DCAF15: variants seen among roughly 807,000 people sequenced by gnomAD.
DCAF15 encodes DDB1 and CUL4 associated factor 15.
Under a neutral mutation model 68.0 loss-of-function variants are expected in DCAF15, and 24 were observed. The observed-to-expected ratio is 0.35, with a 90% CI of 0.26 to 0.50. The LOEUF (loss-of-function observed/expected upper bound fraction) is 0.50. Among genes scored for constraint, DCAF15 ranks in the 20% least tolerant of loss-of-function variants. The pLI is 0.98. For synonymous variants in DCAF15, 376 were observed against 341.6 expected, an observed-to-expected ratio of 1.10 and a Z score of -1.11; for missense variants, 627 against 830.6, an observed-to-expected ratio of 0.75 and a Z score of 3.01.
rs865941640 is a variant in DCAF15 at position 13,954,393 on chromosome 19, C to T, written c.186C>T (p.Cys62=). The T allele has an allele frequency of 2.4e-5, 39 of 1,607,910 alleles. 1 individual carries two copies. In the Middle Eastern group the frequency reaches 3.0e-3, roughly 123 times the overall value. ...RLFRKLPPRV[C]VSLKNIVDED... is the part of the protein sequence containing the mutation. ...TCCGGAAGCTGCCTCCCCGGGTGTG[C>T]GTGTCCCTCAAGAACATTGTGGATG... The change falls in exon 2 of 13, where the codon TGC becomes TGT. Residue 62 remains cysteine, a synonymous_variant. Transcript: ENST00000254337.
At chr19:13,957,559 C>T (rs143842553) in intron 6 of DCAF15, among the ~76,000 whole-genome samples, 9 of 152,284 alleles carry the variant, frequency 5.9e-5, no homozygotes, top group African/African-American at 1.9e-4. Context: ...CAGATGCGTG[C>T]ACATGTGGGT....
rs1973524399 is a variant in DCAF15, at chr19:13,959,755, A to C, written c.1312-12A>C. ...TTGGCACCGTCCCCTGCGCCTACCC[A>C]CTCACCCGCAGGGCCAGTACCTGAC... On this transcript the variant is annotated splice_polypyrimidine_tract_variant and intron_variant, in intron 8 of 12. Coordinates refer to ENST00000254337, the MANE Select transcript of DCAF15 (RefSeq NM_138353.4). The C allele has an allele frequency of 1.2e-6, 2 of 1,613,312 alleles. No individual in the cohort carries two copies. Among genetic ancestry groups the C allele is most frequent in the East Asian group, 4.5e-5 (2 of 44,854 alleles).
Position 13,954,462 on chromosome 19 carries a change from G to T in DCAF15, c.230+25G>T, listed in dbSNP as rs575150646. 3 of 1,614,034 alleles carry T rather than the reference G, an allele frequency of 1.9e-6. No homozygotes were observed. In the South Asian group the frequency reaches 3.3e-5, roughly 18 times the overall value. The stretch of plus-strand genomic sequence containing the variant: ...GGTGAGGCTGGGCCCAGGCAAAGGG[G>T]GCAGGTGGGCGGGAGTGGTGGGCTC... On this transcript the variant is annotated intron_variant, in intron 2 of 12. Coordinates refer to ENST00000254337, the MANE Select transcript of DCAF15 (RefSeq NM_138353.4).
In DCAF15 at chr19:13,952,659, C is replaced by A; in HGVS notation, c.132+15C>A. ...AGCGGGTCAAGGTGAGGCCTGGAGC[C>A]GGAGTGGGGAGCGCGCCGGAGGGTG... On this transcript the variant is annotated intron_variant, in intron 1 of 12. Coordinates refer to ENST00000254337, the MANE Select transcript of DCAF15 (RefSeq NM_138353.4). 1 of 1,054,410 alleles carries A rather than the reference C, an allele frequency of 9.5e-7. No individual in the cohort carries two copies. Among genetic ancestry groups the A allele is most frequent in the Non-Finnish European group, 1.1e-6 (1 of 872,140 alleles). 65.3% of individuals were successfully genotyped at this position (1,054,410 alleles called of 1,614,324 possible).
chr19:13,960,717 A>T, intron 12 of DCAF15, 137 bp downstream of exon 12: 1 of 1,028,530 alleles, frequency 9.7e-7, no homozygotes, highest in Non-Finnish European at 1.4e-6. Context: ...CCAGCTCAGC[A>T]GCCCTGAAAG....
rs968820346 is a variant in DCAF15 at position 13,952,644 on chromosome 19, G to A, written c.132G>A (p.Lys44=). 46 of 1,288,514 alleles carry A rather than the reference G, an allele frequency of 3.6e-5. No individual in the cohort carries two copies. Among genetic ancestry groups the A allele is most frequent in the Non-Finnish European group, 4.2e-5 (43 of 1,015,870 alleles). 79.8% of individuals were successfully genotyped at this position (1,288,514 alleles called of 1,614,324 possible). Residue 44 remains lysine, a splice_region_variant and synonymous_variant, in exon 1 of 13, where the codon AAG becomes AAA. Coordinates refer to ENST00000254337, the MANE Select transcript of DCAF15 (RefSeq NM_138353.4). The part of the protein sequence containing the change: ...EHVLKQLERV[K]ISGQLSPRLF... Reference sequence around the variant, plus strand: ...TCCTCAAGCAGCTGGAGCGGGTCAAGGTGAGGCCTGGAGCCGGAGTGGGGA... The same window carrying A: ...TCCTCAAGCAGCTGGAGCGGGTCAAAGTGAGGCCTGGAGCCGGAGTGGGGA...
In DCAF15 at chr19:13,954,532, C is replaced by T. The variant is rs762131665; in HGVS notation, c.237C>T (p.Ile79=). The stretch of plus-strand genomic sequence containing the variant: ...GCCCCCTCCACCCCCACAGACATAT[C>T]TTCCTGGGCTTTTCCAAATGCGGCC... ...VDEDFLYAGH[I]FLGFSKCGRY... Residue 79 remains isoleucine, a synonymous_variant, in exon 3 of 13, where the codon ATC becomes ATT. Coordinates refer to ENST00000254337, the MANE Select transcript of DCAF15 (RefSeq NM_138353.4). 2.5e-6 allele frequency: 4 copies of T among 1,614,212 alleles called. No individual in the cohort carries two copies. The highest frequency in any genetic ancestry group is 1.6e-4 in the Middle Eastern group (1 of 6,062).
chr19:13,960,889 C>T, intron 12 of DCAF15, 51 bp from the exon 13 acceptor site: 3 of 1,611,522 alleles, frequency 1.9e-6, no homozygotes, highest in Non-Finnish European at 2.5e-6. Flanking sequence ...GGTGTGGCCG[C>T]AGGGCCAGGC....
Position 13,959,981 on chromosome 19 carries a change from C to CA in DCAF15, c.1441-2dup, listed in dbSNP as rs1568451117. ...AGTTGGCATCATCCACCCCCACCCC[C>CA]AGGTCTGCCCAGAAACCAACCAGGT... On this transcript the variant is annotated splice_polypyrimidine_tract_variant and splice_region_variant and intron_variant, in intron 9 of 12. Coordinates refer to ENST00000254337, the MANE Select transcript of DCAF15 (RefSeq NM_138353.4). 6.2e-7 allele frequency: 1 copy of CA among 1,610,134 alleles called. No homozygotes were observed. Among genetic ancestry groups the CA allele is most frequent in the Admixed American group, 1.7e-5 (1 of 59,878 alleles).
intron 1 of DCAF15, 146 bp downstream of exon 1, chr19:13,952,790 CG>C (rs1250315026): frequency 6.8e-6 from 4 of 584,004 alleles, no homozygotes; most frequent in Non-Finnish European, 8.5e-6. Flanking sequence ...GGGCGGGGCC[CG>C]GGGGAGATGG....
chr19:13,954,339 G>T lies in DCAF15; in HGVS notation c.133-1G>T. 6.2e-7 allele frequency: 1 copy of T among 1,612,868 alleles called. No homozygotes were observed. On this transcript the variant is annotated splice_acceptor_variant, in intron 1 of 12. Transcript: ENST00000254337. LOFTEE classifies it high-confidence loss of function. Reference sequence around the variant, plus strand: ...AAGTGCCCTGGCCACCCCTTCCCCAGATCAGCGGACAGCTCTCCCCTCGCC... The same window carrying T: ...AAGTGCCCTGGCCACCCCTTCCCCATATCAGCGGACAGCTCTCCCCTCGCC...
rs746437418 is a variant in DCAF15, at chr19:13,959,839, G to A, written c.1384G>A (p.Ala462Thr). The A allele has an allele frequency of 2.5e-6, 4 of 1,601,258 alleles. No homozygotes were observed. The highest frequency in any genetic ancestry group is 1.4e-5 in the African/African-American group (1 of 69,436). The change falls in exon 9 of 13, where the codon GCT becomes ACT. Residue 462 changes from alanine (A) to threonine (T), a missense_variant. Ala to Thr is a moderately conservative substitution (Grantham distance 58). This residue lies in a region of DCAF15 where 118 missense variants were observed against 211.8 expected (regional missense o/e 0.56). Coordinates refer to ENST00000254337, the MANE Select transcript of DCAF15 (RefSeq NM_138353.4). Reference protein sequence around the residue: ...YVINEVIRHDATWGHQFCSFS... With the variant: ...YVINEVIRHDTTWGHQFCSFS... ...TATCAATGAGGTCATCCGCCACGAC[G>A]CTACCTGGGGCCATCAGTTCTGTTC...
chr19:13,960,267 T>G lies in DCAF15; in HGVS notation c.1527-20T>G. 6.2e-7 allele frequency: 1 copy of G among 1,611,018 alleles called. No individual in the cohort carries two copies. The highest frequency in any genetic ancestry group is 8.5e-7 in the Non-Finnish European group (1 of 1,177,402). ...AGCCCGGCTGTCCCAGCGTTTGTCC[T>G]ATGTCCCTCTCCACTGTAGACCAAA... is the stretch of plus-strand genomic sequence containing the variant. On this transcript the variant is annotated intron_variant, in intron 10 of 12. Transcript: ENST00000254337.
At position 13,956,416 on chromosome 19, in the gene DCAF15, C is replaced by T; in HGVS notation, c.678C>T (p.Tyr226=). The part of the protein sequence containing the change: ...FMLHTKYQVV[Y]PFPTFQPAFQ... ...TGCACACCAAGTACCAGGTGGTCTA[C>T]CCCTTCCCCACCTTCCAGCCCGCCT... is the stretch of plus-strand genomic sequence containing the variant. The change falls in exon 6 of 13, where the codon TAC becomes TAT. Residue 226 remains tyrosine, a synonymous_variant. Coordinates refer to ENST00000254337, the MANE Select transcript of DCAF15 (RefSeq NM_138353.4). 1 of 1,613,912 alleles carries T rather than the reference C, an allele frequency of 6.2e-7. No individual in the cohort carries two copies. Among genetic ancestry groups the T allele is most frequent in the Non-Finnish European group, 8.5e-7 (1 of 1,180,016 alleles).
intron 6 of DCAF15, among the ~76,000 whole-genome samples, chr19:13,958,435 C>A (rs1973454307): frequency 6.6e-6 from 1 of 152,120 alleles, no homozygotes; most frequent in South Asian, 2.1e-4. Flanking sequence ...TGTGGCCCCT[C>A]TCTAGGGGTT....
intron 3 of DCAF15, among the ~76,000 whole-genome samples, chr19:13,955,583 C>A (rs539784394): frequency 6.6e-6 from 1 of 152,108 alleles, no homozygotes; most frequent in Admixed American, 6.5e-5. Context: ...ACTCCTGGAA[C>A]CCCCCCAGGA....
rs115123326 is a variant in DCAF15 at position 13,954,487 on chromosome 19, C to G, written c.231-39C>G. On this transcript the variant is annotated intron_variant, in intron 2 of 12. Coordinates refer to ENST00000254337, the MANE Select transcript of DCAF15 (RefSeq NM_138353.4). ...GGCAGGTGGGCGGGAGTGGTGGGCT[C>G]GCCCTGACCTGGCCGCTGTGCCCCC... 3 of 1,613,930 alleles carry G rather than the reference C, an allele frequency of 1.9e-6. No homozygotes were observed. In the South Asian group the frequency reaches 3.3e-5, roughly 18 times the overall value.
chr19:13,954,723 C>T (rs1973275447), intron 3 of DCAF15, 62 bp downstream of exon 3: 2 of 1,568,976 alleles, frequency 1.3e-6, no homozygotes, highest in African/African-American at 2.7e-5. Flanking sequence ...GTCACAGCAA[C>T]CTCTGAGCCT....
chr19:13,952,697 G>A (rs1973112326), intron 1 of DCAF15, 53 bp downstream of exon 1: 2 of 1,296,022 alleles, frequency 1.5e-6, no homozygotes, highest in Non-Finnish European at 1.9e-6. Context: ...GAGTAGGGAC[G>A]AGGGAGGCGG....
Sources: gnomAD v4.1 joint callset for allele counts (sites outside exome capture counted in the v4.1 genomes callset) on GRCh38, gnomAD v4.1.1 for gene constraint, gnomAD v4.1.1 regional missense constraint, MANE v1.5 for transcripts, NCBI Gene and HGNC (gene_info 2026-07-23, HGNC 2026-07-21) for gene names.